CALD1: variants seen among roughly 807,000 people sequenced by gnomAD.
CALD1 encodes caldesmon 1.
In CALD1, 33 loss-of-function variants were observed where a neutral mutation model predicts 99.9. That is an observed-to-expected ratio of 0.33 (90% CI 0.25 to 0.44). CALD1 has a LOEUF of 0.44. Among genes scored for constraint, CALD1 ranks in the 20% least tolerant of loss-of-function variants. The pLI, the probability that CALD1 is intolerant of heterozygous loss-of-function variation, is 1.00. For missense variants in CALD1, 861 were observed against 962.1 expected, an observed-to-expected ratio of 0.89 and a Z score of 1.39; for synonymous variants, 310 against 325.0, an observed-to-expected ratio of 0.95 and a Z score of 0.50.
intron 9 of CALD1, among the ~76,000 whole-genome samples, chr7:134,955,884 A>C (rs879725514): frequency 2.0e-5 from 3 of 152,146 alleles, no homozygotes; most frequent in Non-Finnish European, 4.4e-5. Context: ...CAGGGATAAA[A>C]ATAGGATAGA....
intron 1 of CALD1, among the ~76,000 whole-genome samples, chr7:134,819,079 A>C (rs998700993): frequency 6.6e-6 from 1 of 152,184 alleles, no homozygotes; most frequent in Non-Finnish European, 1.5e-5. Context: ...GATTTCACAC[A>C]AGGCAAGAGC....
At chr7:134,718,664 T>C in the CALD1 span, among the ~76,000 whole-genome samples, 1 of 152,078 alleles carries the variant, frequency 6.6e-6, no homozygotes, top group African/African-American at 2.4e-5. Context: ...GTTTTAAAAT[T>C]AGAGTAAATT....
intron 7 of CALD1, 55 bp from the exon 8 acceptor site, chr7:134,947,453 A>G: frequency 6.6e-7 from 1 of 1,516,388 alleles, no homozygotes; most frequent in East Asian, 2.5e-5. Flanking sequence ...CCCTTCCTCC[A>G]GGGAGACTAC....
At chr7:134,902,175 G>A (rs549531955) in intron 3 of CALD1, among the ~76,000 whole-genome samples, 37 of 152,092 alleles carry the variant, frequency 2.4e-4, no homozygotes, top group African/African-American at 4.8e-4. Context: ...ATATTTTCTC[G>A]TCACAAAAGA....
Position 134,783,515 on chromosome 7 carries a change from C to T in CALD1, c.-130+3766C>T, listed in dbSNP as rs1442265525. ...TAAGGACCCACTCTGCTTCTCACCC[C>T]AAACTCATAATTGGCAGGCTGTGGG... On this transcript the variant is annotated intron_variant, in intron 1 of 14. Transcript: ENST00000361675. This position sits in a 1 kb window ranked among gnomAD's most constrained non-coding sequence, Gnocchi z 4.3. Among the ~76,000 whole-genome samples, 1 of 152,108 alleles carries T rather than the reference C, an allele frequency of 6.6e-6. No homozygotes were observed. The highest frequency in any genetic ancestry group is 1.5e-5 in the Non-Finnish European group (1 of 68,022).
intron 14 of CALD1, 95 bp from the exon 15 acceptor site, chr7:134,968,245 T>G: frequency 1.0e-6 from 1 of 982,986 alleles, no homozygotes; most frequent in South Asian, 1.3e-5. Flanking sequence ...TATTATTCAT[T>G]TTTCTTCTGA....
chr7:134,827,626 G>C (rs1194810110), intron 1 of CALD1, among the ~76,000 whole-genome samples: 1 of 152,184 alleles, frequency 6.6e-6, no homozygotes, highest in Non-Finnish European at 1.5e-5. Context: ...AACGGCAATG[G>C]CCCAGGCACA....
At position 134,903,517 on chromosome 7, in the gene CALD1, G is replaced by A. The variant is rs538726373; in HGVS notation, c.72-25237G>A. On this transcript the variant is annotated intron_variant, in intron 3 of 14. Transcript: ENST00000361675. ...GCAGGGTTGGTTCCTTCTGAGAACC[G>A]TGAGGAAGAATCTGTTCCATGCCTC... Among the ~76,000 whole-genome samples the A allele has an allele frequency of 3.3e-5, 5 of 152,194 alleles. No individual in the cohort carries two copies. The East Asian group carries it at 5.8e-4, about 18-fold the overall frequency.
intron 7 of CALD1, among the ~76,000 whole-genome samples, chr7:134,941,660 T>C (rs748683146): frequency 6.6e-6 from 1 of 152,174 alleles, no homozygotes; most frequent in Non-Finnish European, 1.5e-5. Context: ...AGGTTGTAAA[T>C]AAATATTGCA....
At chr7:134,956,071 A>C (rs1333320155) in intron 9 of CALD1, among the ~76,000 whole-genome samples, 1 of 151,836 alleles carries the variant, frequency 6.6e-6, no homozygotes, top group African/African-American at 2.4e-5. Flanking sequence ...TACTTTACAG[A>C]TGTTTTATAT....
chr7:134,934,492 CTT>C (rs1805800780), intron 5 of CALD1, among the ~76,000 whole-genome samples: 1 of 152,168 alleles, frequency 6.6e-6, no homozygotes, highest in Non-Finnish European at 1.5e-5. Flanking sequence ...CCCATAACTC[CTT>C]ACCTCACTCA....
rs541048920 is a variant in CALD1 at position 134,768,031 on chromosome 7, A to C, written c.-130+23668A>C. ...TTTGCTTTCTCTAAGCTTAGAGCAA[A>C]TCCAACAGCAATGAATATGGGTGGA... On this transcript the variant is annotated intron_variant, in intron 1 of 13. Coordinates refer to the CALD1 transcript ENST00000417172. Among the ~76,000 whole-genome samples, 6 of 152,332 alleles carry C rather than the reference A, an allele frequency of 3.9e-5. 1 individual carries two copies. The South Asian group carries it at 1.2e-3, about 32-fold the overall frequency.
chr7:134,875,158 C>T (rs1801288401), intron 3 of CALD1, among the ~76,000 whole-genome samples: 1 of 152,120 alleles, frequency 6.6e-6, no homozygotes, highest in Non-Finnish European at 1.5e-5. Context: ...CTGATCACTC[C>T]AGGGGACAAA....
At chr7:134,801,593 A>G (rs1371763237) in intron 1 of CALD1, among the ~76,000 whole-genome samples, 3 of 152,132 alleles carry the variant, frequency 2.0e-5, no homozygotes, top group Non-Finnish European at 4.4e-5. Flanking sequence ...TGCTTGGTAC[A>G]TTGAAGAAAT....
At chr7:134,803,237 T>G (rs542707254) in intron 1 of CALD1, among the ~76,000 whole-genome samples, 84 of 152,274 alleles carry the variant, frequency 5.5e-4, no homozygotes, top group African/African-American at 1.9e-3. Flanking sequence ...TTAAACTGTT[T>G]ATTATTATTT....
intron 3 of CALD1, among the ~76,000 whole-genome samples, chr7:134,898,291 A>C (rs12055965): frequency 0.72 from 110,254 of 152,106 alleles, 40,269 homozygotes; most frequent in East Asian, 0.97. Flanking sequence ...TGTGCATTAA[A>C]GTGTGCAGAA....
chr7:134,953,736 T>A (rs1198196961), intron 9 of CALD1, among the ~76,000 whole-genome samples: 1 of 150,354 alleles, frequency 6.7e-6, no homozygotes, highest in African/African-American at 2.5e-5. Context: ...TCTACCAAAT[T>A]TCTCAACGTA....
chr7:134,923,309 A>AT (rs1804752018), intron 3 of CALD1, among the ~76,000 whole-genome samples: 1 of 152,254 alleles, frequency 6.6e-6, no homozygotes, highest in Non-Finnish European at 1.5e-5. Context: ...ATTTTATTTC[A>AT]TAGAGAAGTA....
intron 1 of CALD1, among the ~76,000 whole-genome samples, chr7:134,828,591 C>T (rs1362712934): frequency 2.6e-5 from 4 of 152,158 alleles, no homozygotes; most frequent in Non-Finnish European, 5.9e-5. Context: ...GGATTCACTA[C>T]ATTCTGAGTA....
Sources: allele counts gnomAD v4.1 joint callset (sites outside exome capture counted in the v4.1 genomes callset), GRCh38; gene constraint gnomAD v4.1.1; non-coding constraint Gnocchi (gnomAD v3.1); transcripts MANE v1.5; gene names NCBI Gene and HGNC (gene_info 2026-07-23, HGNC 2026-07-21).